Variants in SHISA9 observed in about 807,000 individuals in gnomAD.
SHISA9 encodes shisa family member 9, also known as protein shisa-9.
Under a neutral mutation model 38.0 loss-of-function variants are expected in SHISA9, and 13 were observed. The ratio of observed to expected loss-of-function variants is 0.34; its 90% CI spans 0.22 to 0.54. The LOEUF (loss-of-function observed/expected upper bound fraction) is 0.54. SHISA9 is among the 20% of genes least tolerant of loss of function. The pLI is 0.91. For synonymous variants in SHISA9, 275 were observed against 242.0 expected (o/e 1.14, Z -1.27); for missense variants, 538 against 575.8 (o/e 0.93, Z 0.67).
chr16:13,000,940 G>GT (rs1372822841), intron 2 of SHISA9, among the ~76,000 whole-genome samples: 3 of 151,988 alleles, frequency 2.0e-5, no homozygotes, highest in African/African-American at 4.8e-5. Flanking sequence ...TTCTTTCTTT[G>GT]TTTTTTTGAG....
At chr16:13,396,469 G>C in the SHISA9 span, among the ~76,000 whole-genome samples, 64 of 152,170 alleles carry the variant, frequency 4.2e-4, no homozygotes, top group African/African-American at 1.4e-3. Flanking sequence ...ATTATGCCAT[G>C]GTGAGACAGT....
chr16:13,517,695 G>A, the SHISA9 span, among the ~76,000 whole-genome samples: 14 of 152,158 alleles, frequency 9.2e-5, no homozygotes, highest in African/African-American at 3.1e-4. Flanking sequence ...CATTATGGTG[G>A]CAGAAAAGAG....
At chr16:13,030,157 A>G (rs1475622719) in intron 2 of SHISA9, among the ~76,000 whole-genome samples, 1 of 151,718 alleles carries the variant, frequency 6.6e-6, no homozygotes, top group East Asian at 1.9e-4. Context: ...CAGGTGTAGC[A>G]GGTGTATTGG....
chr16:13,132,799 G>A (rs902194883), intron 2 of SHISA9, among the ~76,000 whole-genome samples: 1 of 152,158 alleles, frequency 6.6e-6, no homozygotes, highest in East Asian at 1.9e-4. Flanking sequence ...GAAGGTCTTT[G>A]GAGAAAAATT....
At chr16:13,187,030 A>T (rs1224007588) in intron 2 of SHISA9, among the ~76,000 whole-genome samples, 1 of 152,196 alleles carries the variant, frequency 6.6e-6, no homozygotes, top group Non-Finnish European at 1.5e-5. Flanking sequence ...GCTGCTGTGA[A>T]CACGGGTCTA....
Position 13,235,921 on chromosome 16 carries a change from G to A in SHISA9, c.*512G>A, listed in dbSNP as rs1182866231. 2.0e-5 allele frequency: 3 copies of A among 153,014 alleles called. No homozygotes were observed. Among genetic ancestry groups the A allele is most frequent in the Admixed American group, 6.5e-5 (1 of 15,312 alleles). The allele number at this position is 153,014 out of a possible 1,614,324, so 9.5% of individuals were successfully genotyped here. ...TGTATTCTGGAAGAGGAGTTGTTCT[G>A]GGAGGAATTTGCCCACATTAGAAGC... On this transcript the variant is annotated 3_prime_UTR_variant, in exon 5 of 5. Transcript: ENST00000558583.
chr16:13,083,655 C>G (rs1009244448), intron 2 of SHISA9, among the ~76,000 whole-genome samples: 2 of 152,150 alleles, frequency 1.3e-5, no homozygotes, highest in African/African-American at 4.8e-5. Flanking sequence ...CTTCCATATT[C>G]TCATGTTAGT....
chr16:12,931,174 T>C (rs2071456806), intron 2 of SHISA9, among the ~76,000 whole-genome samples: 1 of 152,230 alleles, frequency 6.6e-6, no homozygotes, highest in African/African-American at 2.4e-5. Context: ...ATGTATTATG[T>C]AGTGGATACA....
At chr16:13,275,090 C>T in the SHISA9 span, among the ~76,000 whole-genome samples, 9 of 152,234 alleles carry the variant, frequency 5.9e-5, no homozygotes, top group Admixed American at 1.3e-4. Context: ...TACCGTCTAC[C>T]AGCTACGTGA....
chr16:12,962,272 G>A (rs150933662), intron 2 of SHISA9, among the ~76,000 whole-genome samples: 1 of 152,356 alleles, frequency 6.6e-6, no homozygotes, highest in Non-Finnish European at 1.5e-5. Context: ...CACAGACAGT[G>A]AGAGAGCCAG....
At chr16:13,422,403 C>T in the SHISA9 span, among the ~76,000 whole-genome samples, 2 of 152,118 alleles carry the variant, frequency 1.3e-5, no homozygotes, top group Admixed American at 6.6e-5. Flanking sequence ...TGATATAAGA[C>T]AATTGGGTTA....
intron 2 of SHISA9, among the ~76,000 whole-genome samples, chr16:13,077,244 T>TTC (rs1254606253): frequency 2.4e-4 from 30 of 126,672 alleles, no homozygotes; most frequent in African/African-American, 1.3e-3. Context: ...CTTCTTCTTC[T>TTC]TTTTTTTTTT....
At chr16:13,320,887 C>G in the SHISA9 span, among the ~76,000 whole-genome samples, 1 of 152,182 alleles carries the variant, frequency 6.6e-6, no homozygotes, top group Non-Finnish European at 1.5e-5. Context: ...CTGAGTGTCT[C>G]TAAACTATCT....
chr16:12,948,196 C>A (rs143174522), intron 2 of SHISA9, among the ~76,000 whole-genome samples: 1 of 152,274 alleles, frequency 6.6e-6, no homozygotes, highest in Non-Finnish European at 1.5e-5. Context: ...TTAGAGATGT[C>A]TACTCATTTG....
intron 2 of SHISA9, among the ~76,000 whole-genome samples, chr16:13,171,268 C>T (rs1366338300): frequency 6.6e-6 from 1 of 152,176 alleles, no homozygotes; most frequent in African/African-American, 2.4e-5. Context: ...CACCTCCCAC[C>T]AGGCCCCACC....
intron 2 of SHISA9, among the ~76,000 whole-genome samples, chr16:13,169,516 A>G (rs574606879): frequency 4.7e-4 from 71 of 152,340 alleles, no homozygotes; most frequent in South Asian, 8.3e-4. Flanking sequence ...TTCCTCTCTT[A>G]TAGCCATTTT....
At chr16:13,338,135 G>A in the SHISA9 span, among the ~76,000 whole-genome samples, 2,752 of 152,278 alleles carry the variant, frequency 0.018, 33 homozygotes, top group Non-Finnish European at 0.029. Flanking sequence ...GTCAGTCTAA[G>A]GAGACAGCTT....
At chr16:12,998,069 A>G (rs2072480493) in intron 2 of SHISA9, among the ~76,000 whole-genome samples, 5 of 152,230 alleles carry the variant, frequency 3.3e-5, no homozygotes, top group Admixed American at 2.6e-4. Context: ...GTACCTGTAC[A>G]TAAGACAAAG....
chr16:12,931,995 G>A (rs2071467807), intron 2 of SHISA9, among the ~76,000 whole-genome samples: 1 of 152,128 alleles, frequency 6.6e-6, no homozygotes, highest in Non-Finnish European at 1.5e-5. Context: ...TGCTGTTCTT[G>A]TGACAGTGAA....
Sources: gnomAD v4.1 joint callset for allele counts (sites outside exome capture counted in the v4.1 genomes callset) on GRCh38, gnomAD v4.1.1 for gene constraint, MANE v1.5 for transcripts, NCBI Gene and HGNC (gene_info 2026-07-23, HGNC 2026-07-21) for gene names.